EFCAB6: variants seen among roughly 807,000 people sequenced by gnomAD.
EFCAB6 encodes EF-hand calcium binding domain 6, also known as EF-hand calcium-binding domain-containing protein 6.
A neutral mutation model predicts 169.8 loss-of-function variants in EFCAB6; 156 were observed. The ratio of observed to expected loss-of-function variants is 0.92; its 90% confidence interval spans 0.81 to 1.05. The LOEUF (loss-of-function observed/expected upper bound fraction) is 1.05, where lower values mean the gene tolerates loss of function less well. Among genes scored for constraint, EFCAB6 ranks in the 50% least tolerant of loss-of-function variants. The pLI, the probability that EFCAB6 is intolerant of heterozygous loss-of-function variation, is 0.00. For synonymous variants in EFCAB6, 698 were observed against 676.4 expected (o/e 1.03, Z -0.50); for missense variants, 1,800 against 1,829.1 (o/e 0.98, Z 0.29).
intron 17 of EFCAB6, among the ~76,000 whole-genome samples, chr22:43,650,353 T>A (rs2056408147): frequency 6.6e-6 from 1 of 152,228 alleles, no homozygotes; most frequent in African/African-American, 2.4e-5. Flanking sequence ...GGCGTTCCCC[T>A]GCACAAGCTC....
At chr22:43,550,666 T>C (rs2048328121) in intron 27 of EFCAB6, among the ~76,000 whole-genome samples, 1 of 147,814 alleles carries the variant, frequency 6.8e-6, no homozygotes, top group African/African-American at 2.5e-5. Flanking sequence ...AGTGAGACTC[T>C]GTCTCAAAAA....
intron 27 of EFCAB6, among the ~76,000 whole-genome samples, chr22:43,548,772 T>A (rs2048222856): frequency 6.6e-6 from 1 of 152,044 alleles, no homozygotes; most frequent in African/African-American, 2.4e-5. Flanking sequence ...ACAACGAGTT[T>A]TTGAAGGGCA....
intron 6 of EFCAB6, among the ~76,000 whole-genome samples, chr22:43,738,643 ACTTG>A (rs2060258165): frequency 6.6e-6 from 1 of 151,910 alleles, no homozygotes; most frequent in Non-Finnish European, 1.5e-5. Flanking sequence ...ATTCACACAC[ACTTG>A]CATATACTGT....
chr22:43,619,471 A>G (rs2053976126), intron 20 of EFCAB6, among the ~76,000 whole-genome samples: 2 of 152,252 alleles, frequency 1.3e-5, no homozygotes, highest in Admixed American at 1.3e-4. Flanking sequence ...AATGTAAAAG[A>G]CAACAGACAC....
intron 25 of EFCAB6, among the ~76,000 whole-genome samples, chr22:43,578,581 A>G (rs2050414175): frequency 6.6e-6 from 1 of 152,038 alleles, no homozygotes; most frequent in Admixed American, 6.5e-5. Flanking sequence ...CAAGCACAAT[A>G]TCCAAGGACA....
chr22:43,784,573 ACATATACACATATATATG>A (rs2061968836), intron 2 of EFCAB6, among the ~76,000 whole-genome samples: 4 of 63,478 alleles, frequency 6.3e-5, no homozygotes, highest in Non-Finnish European at 9.6e-5. Context: ...ATATATGTGT[ACATATACACATATATATG>A]TATATATACA....
chr22:43,756,715 C>T (rs1431648768), intron 5 of EFCAB6, among the ~76,000 whole-genome samples: 1 of 152,094 alleles, frequency 6.6e-6, no homozygotes, highest in East Asian at 1.9e-4. Context: ...CCATGAAGAA[C>T]ATAAAGATGG....
chr22:43,675,490 A>G (rs2057711950), intron 13 of EFCAB6, among the ~76,000 whole-genome samples: 2 of 141,382 alleles, frequency 1.4e-5, no homozygotes, highest in Admixed American at 7.3e-5. Flanking sequence ...GTAATATTAT[A>G]TAATATAGGA....
chr22:43,776,913 T>C (rs1461540089), intron 3 of EFCAB6, among the ~76,000 whole-genome samples: 2 of 152,150 alleles, frequency 1.3e-5, no homozygotes, highest in Non-Finnish European at 2.9e-5. Context: ...CTGGCTGCTA[T>C]GTAAAGAATG....
At chr22:43,773,324 T>C (rs1171119522) in intron 3 of EFCAB6, among the ~76,000 whole-genome samples, 2 of 151,506 alleles carry the variant, frequency 1.3e-5, no homozygotes, top group Non-Finnish European at 2.9e-5. Context: ...GTAATCACAA[T>C]AGTAAGAAAA....
chr22:43,688,885 T>C (rs1257495162), intron 10 of EFCAB6, among the ~76,000 whole-genome samples: 2 of 152,212 alleles, frequency 1.3e-5, no homozygotes, highest in African/African-American at 4.8e-5. Context: ...CTGCCCTGTT[T>C]TGATTGCTAA....
At chr22:43,704,301 C>G (rs2058874084) in intron 10 of EFCAB6, among the ~76,000 whole-genome samples, 1 of 151,966 alleles carries the variant, frequency 6.6e-6, no homozygotes, top group Admixed American at 6.5e-5. Context: ...GAAATAAAAA[C>G]TCTCCCAGAC....
intron 24 of EFCAB6, among the ~76,000 whole-genome samples, chr22:43,588,036 C>A (rs1190337153): frequency 1.3e-5 from 2 of 152,110 alleles, no homozygotes; most frequent in Non-Finnish European, 2.9e-5. Context: ...TATCTTAAGT[C>A]CTAATTTAAC....
intron 5 of EFCAB6, among the ~76,000 whole-genome samples, chr22:43,761,012 A>G (rs1302221309): frequency 1.3e-5 from 2 of 152,224 alleles, no homozygotes; most frequent in Admixed American, 6.5e-5. Flanking sequence ...TAGACACAAA[A>G]TATCAGCCTT....
intron 20 of EFCAB6, among the ~76,000 whole-genome samples, chr22:43,625,420 G>T (rs775507695): frequency 6.6e-6 from 1 of 152,348 alleles, no homozygotes; most frequent in African/African-American, 2.4e-5. Flanking sequence ...GGTCAAGGAG[G>T]AGATGACTTG....
chr22:43,560,814 A>G (rs2048982289), intron 26 of EFCAB6, among the ~76,000 whole-genome samples: 1 of 152,168 alleles, frequency 6.6e-6, no homozygotes, highest in Admixed American at 6.5e-5. Flanking sequence ...CTGCAAACAC[A>G]TGCTTTCCTA....
intron 17 of EFCAB6, 119 bp from the exon 18 acceptor site, chr22:43,635,335 A>AC (rs2055308633): frequency 1.4e-6 from 1 of 739,170 alleles, no homozygotes; most frequent in African/African-American, 1.7e-5. Context: ...TATTTGTCTG[A>AC]CCCCACCCAC....
intron 26 of EFCAB6, among the ~76,000 whole-genome samples, chr22:43,566,750 TC>T (rs1474210278): frequency 6.6e-6 from 1 of 152,034 alleles, no homozygotes; most frequent in Non-Finnish European, 1.5e-5. Context: ...CCAGGCACAC[TC>T]CCATGCAGGA....
In EFCAB6 at chr22:43,540,362, A is replaced by G. The variant is rs753132319; in HGVS notation, c.3649-5T>C. 8 of 1,613,796 alleles carry G rather than the reference A, an allele frequency of 5.0e-6. No homozygotes were observed. Among genetic ancestry groups the G allele is most frequent in the Admixed American group, 1.7e-5 (1 of 60,006 alleles). ...CTCGTTCCAGAGTCTGTCAAACTGG[A>G]GAAGGAGCAGAAGTCATTTCCCAGG... On this transcript the variant is annotated splice_polypyrimidine_tract_variant and splice_region_variant and intron_variant, in intron 27 of 31. Coordinates refer to ENST00000262726, the MANE Select transcript of EFCAB6 (RefSeq NM_022785.4).
Sources: gnomAD v4.1 joint callset for allele counts (sites outside exome capture counted in the v4.1 genomes callset) on GRCh38, gnomAD v4.1.1 for gene constraint, MANE v1.5 for transcripts, NCBI Gene and HGNC (gene_info 2026-07-23, HGNC 2026-07-21) for gene names.